Variants in SLAIN1 observed in about 807,000 individuals in gnomAD.
SLAIN1 encodes the protein SLAIN motif-containing protein 1.
SLAIN1 carries 17 observed loss-of-function variants against 55.4 expected under a neutral mutation model. That is an observed-to-expected ratio of 0.31 (90% CI 0.21 to 0.46). The LOEUF is 0.46. Among genes scored for constraint, SLAIN1 ranks in the 20% least tolerant of loss-of-function variants. SLAIN1 has a pLI of 1.00. For synonymous variants in SLAIN1, 348 were observed against 337.4 expected, an observed-to-expected ratio of 1.03 and a Z score of -0.35; for missense variants, 682 against 785.1, an observed-to-expected ratio of 0.87 and a Z score of 1.57.
chr13:77,699,573 T>A (rs1327604073), intron 1 of SLAIN1, among the ~76,000 whole-genome samples: 2 of 152,200 alleles, frequency 1.3e-5, no homozygotes, highest in Non-Finnish European at 2.9e-5. Context: ...ATGGAAGGGA[T>A]TGGGAAATGG....
At chr13:77,706,811 G>C (rs2091094530) in intron 1 of SLAIN1, among the ~76,000 whole-genome samples, 1 of 152,134 alleles carries the variant, frequency 6.6e-6, no homozygotes, top group South Asian at 2.1e-4. Flanking sequence ...AGTTGGACTG[G>C]CTATAAAAGT....
intron 2 of SLAIN1, among the ~76,000 whole-genome samples, chr13:77,732,867 C>T (rs536313788): frequency 1.4e-4 from 22 of 152,104 alleles, no homozygotes; most frequent in African/African-American, 5.3e-4. Context: ...CCTTTCTGAC[C>T]TTTATGTTTC....
intron 2 of SLAIN1, among the ~76,000 whole-genome samples, chr13:77,740,956 T>C (rs1873396376): frequency 6.6e-6 from 1 of 152,078 alleles, no homozygotes; most frequent in South Asian, 2.1e-4. Flanking sequence ...CTGAAAAGCT[T>C]CAATGCTAAA....
intron 1 of SLAIN1, among the ~76,000 whole-genome samples, chr13:77,702,800 G>A (rs1189457706): frequency 6.6e-6 from 1 of 152,130 alleles, no homozygotes; most frequent in African/African-American, 2.4e-5. Context: ...TTTTAAAAAA[G>A]TGAAGTGCAG....
chr13:77,722,081 T>A (rs1175527040), intron 2 of SLAIN1, among the ~76,000 whole-genome samples: 1 of 151,730 alleles, frequency 6.6e-6, no homozygotes, highest in Non-Finnish European at 1.5e-5. Flanking sequence ...CGATTTTCCT[T>A]TCATTGATGT....
intron 1 of SLAIN1, among the ~76,000 whole-genome samples, chr13:77,712,543 C>T (rs2091163058): frequency 1.3e-5 from 2 of 152,118 alleles, no homozygotes; most frequent in Non-Finnish European, 2.9e-5. Context: ...CAAACCAGTG[C>T]TCAAGGAAAT....
intron 6 of SLAIN1, 134 bp downstream of exon 6, chr13:77,761,244 TC>T: frequency 3.5e-6 from 3 of 852,386 alleles, no homozygotes; most frequent in Non-Finnish European, 5.4e-6. Context: ...TGTGCTCTCC[TC>T]CCTTTGAAAA....
chr13:77,717,498 A>G (rs917743103), intron 1 of SLAIN1, among the ~76,000 whole-genome samples: 1 of 151,782 alleles, frequency 6.6e-6, no homozygotes, highest in African/African-American at 2.4e-5. Context: ...TTTTCTGGCT[A>G]TTTACTTTTA....
chr13:77,749,245 A>ACTGCC (rs1298972482), intron 4 of SLAIN1, among the ~76,000 whole-genome samples: 1 of 152,342 alleles, frequency 6.6e-6, no homozygotes, highest in African/African-American at 2.4e-5. Context: ...TAGTTCCTAC[A>ACTGCC]CTGCCTAGAT....
At chr13:77,740,689 C>G (rs948013916) in intron 2 of SLAIN1, among the ~76,000 whole-genome samples, 3 of 151,940 alleles carry the variant, frequency 2.0e-5, no homozygotes, top group African/African-American at 4.8e-5. Context: ...TGAATCATTT[C>G]ACATCATTTT....
At chr13:77,744,162 T>C (rs1873651806) in intron 2 of SLAIN1, 121 bp from the exon 3 acceptor site, 1 of 757,034 alleles carries the variant, frequency 1.3e-6, no homozygotes, top group East Asian at 2.5e-5. Context: ...TGGTGACATG[T>C]TGGTGATTTT....
intron 1 of SLAIN1, among the ~76,000 whole-genome samples, chr13:77,707,749 T>C (rs1460177672): frequency 6.6e-6 from 1 of 152,194 alleles, no homozygotes; most frequent in African/African-American, 2.4e-5. Flanking sequence ...AAGAAAGAAA[T>C]GGGACCAGAA....
intron 1 of SLAIN1, among the ~76,000 whole-genome samples, chr13:77,712,729 C>T (rs557335495): frequency 6.6e-6 from 1 of 152,116 alleles, no homozygotes; most frequent in Non-Finnish European, 1.5e-5. Context: ...CATATGGAAC[C>T]AAAAAAGAGC....
intron 2 of SLAIN1, among the ~76,000 whole-genome samples, chr13:77,734,774 C>T (rs1172376924): frequency 6.6e-6 from 1 of 152,120 alleles, no homozygotes; most frequent in Non-Finnish European, 1.5e-5. Flanking sequence ...AATCCCAGCA[C>T]TTTTGGAGGC....
At chr13:77,745,824 T>C (rs1246045130) in intron 3 of SLAIN1, among the ~76,000 whole-genome samples, 1 of 152,128 alleles carries the variant, frequency 6.6e-6, no homozygotes, top group Non-Finnish European at 1.5e-5. Flanking sequence ...AGATTGTATG[T>C]CAGTTTCAGA....
At chr13:77,731,647 T>G (rs373488117) in intron 2 of SLAIN1, among the ~76,000 whole-genome samples, 15 of 152,218 alleles carry the variant, frequency 9.9e-5, no homozygotes, top group East Asian at 3.9e-4. Context: ...AAAAATTACT[T>G]TCTTTACCTT....
chr13:77,722,593 G>A (rs1194511298), intron 2 of SLAIN1, among the ~76,000 whole-genome samples: 4 of 152,020 alleles, frequency 2.6e-5, no homozygotes, highest in African/African-American at 9.7e-5. Flanking sequence ...TTTGACTTTG[G>A]ATGGTGAAGA....
Position 77,717,752 on chromosome 13 carries a change from C to T in SLAIN1, c.627-1780C>T, listed in dbSNP as rs147729430. Among the ~76,000 whole-genome samples the T allele has an allele frequency of 9.2e-3, 1,403 of 152,192 alleles. 25 individuals are homozygous for T. Among genetic ancestry groups the T allele is most frequent in the African/African-American group, 0.032 (1,318 of 41,536 alleles). On this transcript the variant is annotated intron_variant, in intron 1 of 6. Coordinates refer to ENST00000418532, the MANE Select transcript of SLAIN1 (RefSeq NM_001242868.2). ...GCCTCTCAAGATGTGGTCTCCAGAC[C>T]GGTAATATTAGCATCACCTGGAAGC...
intron 1 of SLAIN1, among the ~76,000 whole-genome samples, chr13:77,708,520 G>T (rs182382371): frequency 2.0e-5 from 3 of 152,180 alleles, no homozygotes; most frequent in African/African-American, 7.2e-5. Flanking sequence ...GCTCTGGCTC[G>T]CATCTGGCAG....
Sources: allele counts gnomAD v4.1 joint callset (sites outside exome capture counted in the v4.1 genomes callset), GRCh38; gene constraint gnomAD v4.1.1; transcripts MANE v1.5; gene names NCBI Gene and HGNC (gene_info 2026-07-23, HGNC 2026-07-21).